Variants in C12orf42 observed in about 807,000 individuals in gnomAD.
The protein encoded by C12orf42 is uncharacterized protein C12orf42.
In C12orf42, 25 loss-of-function variants were observed where a neutral mutation model predicts 21.6. The observed-to-expected ratio is 1.16, with a 90% CI of 0.84 to 1.62. The LOEUF is 1.62. Among genes scored for constraint, C12orf42 ranks in the 40% most tolerant of loss-of-function variants. The pLI, the probability that C12orf42 is intolerant of heterozygous loss-of-function variation, is 0.00. For missense variants in C12orf42, 483 were observed against 459.3 expected (o/e 1.05, Z -0.47); for synonymous variants, 174 against 175.0 (o/e 0.99, Z 0.05).
chr12:103,353,581 T>TC (rs2043279352), intron 4 of C12orf42, among the ~76,000 whole-genome samples: 1 of 152,060 alleles, frequency 6.6e-6, no homozygotes, highest in African/African-American at 2.4e-5. Context: ...ATTGTCTTTC[T>TC]CCCCCTCCCT....
chr12:103,182,441 G>A, the C12orf42 span, among the ~76,000 whole-genome samples: 1 of 152,180 alleles, frequency 6.6e-6, no homozygotes. Context: ...TGGCAAAGAG[G>A]AGGAGCAGAG....
chr12:103,432,630 C>G (rs891758519), intron 2 of C12orf42, among the ~76,000 whole-genome samples: 1 of 152,220 alleles, frequency 6.6e-6, no homozygotes, highest in African/African-American at 2.4e-5. Context: ...CAAATTCACA[C>G]TTTGAAGTCC....
the C12orf42 span, chr12:103,550,735 C>T: frequency 1.3e-5 from 2 of 151,940 alleles, no homozygotes; most frequent in African/African-American, 2.4e-5. Context: ...GCCTTTTGTA[C>T]GTTTTTCAGA....
the C12orf42 span, among the ~76,000 whole-genome samples, chr12:103,114,698 T>C: frequency 6.6e-6 from 1 of 152,218 alleles, no homozygotes; most frequent in Admixed American, 6.5e-5. Flanking sequence ...CTGAAAAGCA[T>C]AATGCAGTAT....
the C12orf42 span, among the ~76,000 whole-genome samples, chr12:103,530,210 AG>A: frequency 6.6e-6 from 1 of 152,242 alleles, no homozygotes; most frequent in Non-Finnish European, 1.5e-5. Context: ...AAAAGTTATC[AG>A]GAAGTATCTG....
At chr12:103,394,271 C>T (rs1039731196) in intron 3 of C12orf42, among the ~76,000 whole-genome samples, 11 of 152,186 alleles carry the variant, frequency 7.2e-5, no homozygotes, top group African/African-American at 2.4e-4. Context: ...TCTCAAATTA[C>T]TCTCTTATAA....
chr12:103,082,506 T>C, the C12orf42 span, among the ~76,000 whole-genome samples: 2 of 152,238 alleles, frequency 1.3e-5, no homozygotes, highest in Admixed American at 1.3e-4. Context: ...TGCTCCTTGA[T>C]TTATTCAATA....
At chr12:103,223,750 A>C in the C12orf42 span, among the ~76,000 whole-genome samples, 3 of 152,166 alleles carry the variant, frequency 2.0e-5, no homozygotes, top group Non-Finnish European at 4.4e-5. Context: ...CTGGGGCCTA[A>C]TAAAAAGGAG....
the C12orf42 span, among the ~76,000 whole-genome samples, chr12:103,165,274 A>T: frequency 6.6e-6 from 1 of 152,236 alleles, no homozygotes; most frequent in East Asian, 1.9e-4. Context: ...AGCAAACCAA[A>T]GTGGGAAACC....
At chr12:103,484,348 G>T (rs1015750579) in intron 1 of C12orf42, among the ~76,000 whole-genome samples, 1 of 152,064 alleles carries the variant, frequency 6.6e-6, no homozygotes, top group African/African-American at 2.4e-5. Flanking sequence ...TTTAATGATC[G>T]CCATTCTAAC....
At chr12:103,272,102 G>A (rs1185698732) in intron 5 of C12orf42, among the ~76,000 whole-genome samples, 1 of 152,144 alleles carries the variant, frequency 6.6e-6, no homozygotes, top group Admixed American at 6.5e-5. Context: ...TCTAAGAGGT[G>A]AGAACAAGGA....
chr12:103,431,212 C>A (rs1357573785), intron 2 of C12orf42: 1 of 152,150 alleles, frequency 6.6e-6, no homozygotes, highest in African/African-American at 2.4e-5. Flanking sequence ...CAAATGCTCA[C>A]CAGCATTCAT....
chr12:103,135,780 G>T, the C12orf42 span, among the ~76,000 whole-genome samples: 2 of 152,130 alleles, frequency 1.3e-5, no homozygotes, highest in Admixed American at 1.3e-4. Flanking sequence ...TGTAATACCT[G>T]ATATCAATAG....
the C12orf42 span, among the ~76,000 whole-genome samples, chr12:103,120,957 G>A: frequency 1.8e-4 from 27 of 152,106 alleles, no homozygotes; most frequent in Non-Finnish European, 3.2e-4. Flanking sequence ...CAACACAAAT[G>A]CTCTGGAATT....
the C12orf42 span, among the ~76,000 whole-genome samples, chr12:103,061,053 C>A: frequency 1.3e-5 from 2 of 152,104 alleles, no homozygotes; most frequent in Non-Finnish European, 2.9e-5. Flanking sequence ...GTCCACGTTT[C>A]CTGCTCATTC....
At chr12:103,383,849 A>G (rs998143041) in intron 3 of C12orf42, among the ~76,000 whole-genome samples, 2 of 152,254 alleles carry the variant, frequency 1.3e-5, no homozygotes, top group Admixed American at 1.3e-4. Context: ...TGCCTAGTCC[A>G]GAGCAATGTA....
At chr12:103,296,867 G>T (rs995112042) in intron 4 of C12orf42, among the ~76,000 whole-genome samples, 1 of 152,128 alleles carries the variant, frequency 6.6e-6, no homozygotes, top group Admixed American at 6.6e-5. Context: ...AGTTTAATTA[G>T]ATCCCATTTG....
chr12:103,368,041 T>TACC, intron 4 of C12orf42: 1 of 1,277,634 alleles, frequency 7.8e-7, no homozygotes, highest in South Asian at 1.3e-5. Context: ...AAAAACTTCA[T>TACC]TATCTCTTAG....
the C12orf42 span, among the ~76,000 whole-genome samples, chr12:103,099,720 G>C: frequency 1.3e-5 from 2 of 152,110 alleles, no homozygotes; most frequent in Admixed American, 6.6e-5. Flanking sequence ...ATTTTCTAGT[G>C]CTTCTGTATT....
Sources: allele counts gnomAD v4.1 joint callset (sites outside exome capture counted in the v4.1 genomes callset), GRCh38; gene constraint gnomAD v4.1.1; transcripts MANE v1.5; gene names NCBI Gene and HGNC (gene_info 2026-07-23, HGNC 2026-07-21).